DCDC1: variants seen among roughly 807,000 people sequenced by gnomAD.
DCDC1 encodes the protein doublecortin domain-containing protein 1.
In DCDC1, 200 loss-of-function variants were observed where a neutral mutation model predicts 178.3. That is an observed-to-expected ratio of 1.12 (90% CI 1.00 to 1.26). The LOEUF (loss-of-function observed/expected upper bound fraction) is 1.26, where lower values mean the gene tolerates loss of function less well. DCDC1 is among the 50% of genes most tolerant of loss of function. The probability of loss-of-function intolerance (pLI) is 0.00; values close to 1 mark genes in which losing one functional copy is unlikely to be tolerated. For synonymous variants in DCDC1, 690 were observed against 604.8 expected (o/e 1.14, Z -2.07); for missense variants, 1,983 against 1,749.2 (o/e 1.13, Z -2.38).
At chr11:31,038,664 C>G (rs1590841222) in intron 20 of DCDC1, among the ~76,000 whole-genome samples, 1 of 152,110 alleles carries the variant, frequency 6.6e-6, no homozygotes, top group Non-Finnish European at 1.5e-5. Flanking sequence ...ACTTTCTGGC[C>G]TCTCAGCAGG....
chr11:31,199,569 C>T (rs1344820388), intron 9 of DCDC1, among the ~76,000 whole-genome samples: 1 of 152,106 alleles, frequency 6.6e-6, no homozygotes, highest in Non-Finnish European at 1.5e-5. Context: ...TGCTTCCCTG[C>T]TGCTCAGAGA....
intron 20 of DCDC1, among the ~76,000 whole-genome samples, chr11:30,955,160 A>G (rs2134514331): frequency 6.6e-6 from 1 of 152,238 alleles, no homozygotes; most frequent in African/African-American, 2.4e-5. Context: ...CCTTTCTTGT[A>G]GTTTTCTCAT....
At chr11:30,930,986 T>C (rs1050101985) in intron 22 of DCDC1, among the ~76,000 whole-genome samples, 1 of 152,136 alleles carries the variant, frequency 6.6e-6, no homozygotes, top group African/African-American at 2.4e-5. Flanking sequence ...ATGTATGAAG[T>C]ATATTTAATC....
intron 18 of DCDC1, among the ~76,000 whole-genome samples, chr11:31,071,593 C>A (rs1373276159): frequency 6.6e-6 from 1 of 152,074 alleles, no homozygotes; most frequent in Non-Finnish European, 1.5e-5. Flanking sequence ...GCATTTTTGT[C>A]GTTGTTATAT....
At chr11:30,877,685 G>T (rs975180521) in intron 38 of DCDC1, among the ~76,000 whole-genome samples, 1 of 152,114 alleles carries the variant, frequency 6.6e-6, no homozygotes, top group African/African-American at 2.4e-5. Flanking sequence ...AAAAGGTCCT[G>T]CACTGTTACT....
intron 21 of DCDC1, chr11:30,943,649 G>C: frequency 2.2e-6 from 1 of 452,642 alleles, no homozygotes; most frequent in Non-Finnish European, 4.4e-6. Context: ...AAAATAACTT[G>C]AGTTCCTCTA....
At chr11:31,274,416 T>C (rs1172978553) in intron 7 of DCDC1, among the ~76,000 whole-genome samples, 1 of 152,136 alleles carries the variant, frequency 6.6e-6, no homozygotes, top group Non-Finnish European at 1.5e-5. Context: ...AAGACATTTA[T>C]AAAATGATCA....
intron 9 of DCDC1, among the ~76,000 whole-genome samples, chr11:31,169,175 T>C (rs901580552): frequency 2.6e-5 from 4 of 151,358 alleles, no homozygotes; most frequent in Admixed American, 6.6e-5. Flanking sequence ...TAAGAGGGAG[T>C]TGAACAATGA....
At chr11:31,097,610 A>G (rs2135709885) in intron 15 of DCDC1, among the ~76,000 whole-genome samples, 1 of 152,312 alleles carries the variant, frequency 6.6e-6, no homozygotes, top group East Asian at 1.9e-4. Flanking sequence ...AAGAGTTGAG[A>G]GTAGAAAATA....
intron 20 of DCDC1, among the ~76,000 whole-genome samples, chr11:31,057,096 G>T (rs1454206309): frequency 1.3e-5 from 2 of 152,000 alleles, no homozygotes; most frequent in Non-Finnish European, 2.9e-5. Flanking sequence ...GCCAGGCATG[G>T]TGGTGCGTGC....
chr11:31,087,511 G>A (rs1201073118), intron 17 of DCDC1, among the ~76,000 whole-genome samples: 1 of 151,846 alleles, frequency 6.6e-6, no homozygotes, highest in Non-Finnish European at 1.5e-5. Context: ...CCTCGGCAGT[G>A]TTTCATAAAT....
At chr11:31,079,657 C>G (rs1191797939) in intron 17 of DCDC1, among the ~76,000 whole-genome samples, 1 of 151,746 alleles carries the variant, frequency 6.6e-6, no homozygotes, top group Admixed American at 6.6e-5. Context: ...GTAGGACACA[C>G]AGCAGGTGTC....
chr11:31,134,783 C>T (rs945400281), intron 10 of DCDC1, among the ~76,000 whole-genome samples: 2 of 152,164 alleles, frequency 1.3e-5, no homozygotes, highest in Non-Finnish European at 2.9e-5. Context: ...TCACTTGAGG[C>T]CAGGAGTTCA....
At chr11:31,175,810 A>T (rs978308196) in intron 9 of DCDC1, among the ~76,000 whole-genome samples, 4 of 152,264 alleles carry the variant, frequency 2.6e-5, no homozygotes, top group Admixed American at 1.3e-4. Flanking sequence ...AAGGATTGCA[A>T]CTGAAGAAAC....
intron 36 of DCDC1, among the ~76,000 whole-genome samples, chr11:30,888,813 G>A (rs1171463897): frequency 6.6e-6 from 1 of 152,192 alleles, no homozygotes; most frequent in Admixed American, 6.5e-5. Flanking sequence ...TCTCTTTAAA[G>A]TGTATACTAT....
At chr11:31,195,137 A>C (rs1012747164) in intron 9 of DCDC1, among the ~76,000 whole-genome samples, 2 of 152,084 alleles carry the variant, frequency 1.3e-5, no homozygotes, top group African/African-American at 2.4e-5. Context: ...CTAAGGTGAA[A>C]GAAGTCAAAG....
At chr11:31,131,698 C>T (rs961937235) in intron 10 of DCDC1, among the ~76,000 whole-genome samples, 5 of 152,242 alleles carry the variant, frequency 3.3e-5, no homozygotes, top group Non-Finnish European at 7.3e-5. Flanking sequence ...CTCTCTGAAC[C>T]CATCTCCAGC....
At chr11:30,971,324 AAAAT>A (rs1949764407) in intron 20 of DCDC1, among the ~76,000 whole-genome samples, 1 of 152,210 alleles carries the variant, frequency 6.6e-6, no homozygotes, top group Admixed American at 6.5e-5. Context: ...AGTCTAGTGA[AAAAT>A]AAATTATGAA....
chr11:31,274,065 C>A (rs1400630195), intron 7 of DCDC1, among the ~76,000 whole-genome samples: 1 of 152,160 alleles, frequency 6.6e-6, no homozygotes, highest in African/African-American at 2.4e-5. Context: ...GGTGGGGACA[C>A]AACCAAACCA....
Sources: allele counts gnomAD v4.1 joint callset (sites outside exome capture counted in the v4.1 genomes callset), GRCh38; gene constraint gnomAD v4.1.1; transcripts MANE v1.5; gene names NCBI Gene and HGNC (gene_info 2026-07-23, HGNC 2026-07-21).